The following HIVEP1 variants were observed in gnomAD, a reference collection of about 807,000 sequenced individuals.
HIVEP1 encodes zinc finger protein 40.
Under a neutral mutation model 180.0 loss-of-function variants are expected in HIVEP1, and 36 were observed. The ratio of observed to expected loss-of-function variants is 0.20; its 90% CI spans 0.15 to 0.26. The LOEUF is 0.26. Ranked by LOEUF, HIVEP1 falls within the 10% of genes least tolerant of loss-of-function variation. HIVEP1 has a pLI of 1.00. For synonymous variants in HIVEP1, 1,239 were observed against 1,239.0 expected (o/e 1.00, Z 0.00); for missense variants, 3,143 against 3,268.7 (o/e 0.96, Z 0.94).
chr6:12,161,792 G>C lies in HIVEP1; in HGVS notation c.6841G>C (p.Ala2281Pro). ...TLSPGKARQR[A>P]ARDENDTIPS... ...CTCTCCGGGGAAGGCCAGGCAGCGT[G>C]CTGCGAGAGATGAAAACGACACAAT... Residue 2281 changes from alanine (A) to proline (P), a missense_variant, in exon 8 of 9, where the codon GCT (alanine) becomes CCT (proline). This residue lies in a region of HIVEP1 where 595 missense variants were observed against 602.2 expected (regional missense o/e 0.99). Transcript: ENST00000379388. 2 of 1,614,204 alleles carry C rather than the reference G, an allele frequency of 1.2e-6. No homozygotes were observed. The highest frequency in any genetic ancestry group is 1.7e-6 in the Non-Finnish European group (2 of 1,180,026).
the HIVEP1 span, among the ~76,000 whole-genome samples, chr6:12,205,393 C>T: frequency 6.6e-6 from 1 of 152,032 alleles, no homozygotes; most frequent in Non-Finnish European, 1.5e-5. Flanking sequence ...ACGGCGTGAA[C>T]CCGGGAGGCA....
At chr6:12,094,761 C>A (rs545224304) in intron 3 of HIVEP1, among the ~76,000 whole-genome samples, 4 of 152,026 alleles carry the variant, frequency 2.6e-5, no homozygotes, top group African/African-American at 9.6e-5. Context: ...TTATAATTTT[C>A]TGTGCCTGAT....
In HIVEP1 at chr6:12,056,198, G is replaced by A. The variant is rs188784345; in HGVS notation, c.41-32986G>A. Among the ~76,000 whole-genome samples the A allele has an allele frequency of 3.9e-5, 6 of 152,284 alleles. No individual in the cohort carries two copies. The East Asian group carries it at 1.2e-3, about 29-fold the overall frequency. ...GTTTAAATGTCTTTGGGATTTATTT[G>A]GAGGTGAAATAGGATCAATAAATTA... On this transcript the variant is annotated intron_variant, in intron 2 of 8. Coordinates refer to ENST00000379388, the MANE Select transcript of HIVEP1 (RefSeq NM_002114.4).
chr6:12,161,669 G>A lies in HIVEP1; in HGVS notation c.6718G>A (p.Gly2240Arg), dbSNP rs1167149035. ...EDVRITDCFS[G>R]VHTDPMDVLP... Reference sequence around the variant, plus strand: ...TGTCAGGATCACCGATTGCTTTTCTGGGGTACACACGGACCCAATGGACGT... The same window carrying A: ...TGTCAGGATCACCGATTGCTTTTCTAGGGTACACACGGACCCAATGGACGT... The change falls in exon 8 of 9, where the codon GGG (glycine) becomes AGG (arginine). Residue 2240 changes from glycine (G) to arginine (R), a missense_variant. Around this residue, in one of 12 missense-constraint regions of HIVEP1, gnomAD observed 595 missense variants for 602.2 expected, o/e 0.99. Transcript: ENST00000379388. The A allele has an allele frequency of 9.3e-6, 15 of 1,613,978 alleles. No homozygotes were observed. Among genetic ancestry groups the A allele is most frequent in the Non-Finnish European group, 1.3e-5 (15 of 1,180,022 alleles).
In HIVEP1 at chr6:12,123,979, C is replaced by G. The variant is rs748636301; in HGVS notation, c.4184C>G (p.Pro1395Arg). The G allele has an allele frequency of 6.2e-7, 1 of 1,614,136 alleles. No homozygotes were observed. The highest frequency in any genetic ancestry group is 1.7e-5 in the Admixed American group (1 of 60,024). ...SKSFDCGSIT[P>R]PQTTPLTELQ... ...TCATTCGATTGTGGAAGCATCACCCCACCCCAGACAACACCACTTACTGAA... is the reference window on the plus strand; with the variant it reads ...TCATTCGATTGTGGAAGCATCACCCGACCCCAGACAACACCACTTACTGAA... The change falls in exon 4 of 9, where the codon CCA (proline) becomes CGA (arginine). Residue 1395 changes from proline to arginine, a missense_variant. Physicochemically the swap from Pro to Arg is moderately radical, Grantham distance 103. Transcript: ENST00000379388.
At chr6:12,211,419 A>G in the HIVEP1 span, among the ~76,000 whole-genome samples, 1 of 146,920 alleles carries the variant, frequency 6.8e-6, no homozygotes, top group African/African-American at 2.5e-5. Flanking sequence ...AAAAAAGAAA[A>G]AGAAAAAAGA....
chr6:12,095,673 AT>A (rs1216969384), intron 3 of HIVEP1, among the ~76,000 whole-genome samples: 3 of 151,956 alleles, frequency 2.0e-5, no homozygotes, highest in South Asian at 4.1e-4. Context: ...GTACTCATAG[AT>A]TTTATGTTAG....
At chr6:12,192,263 G>A in the HIVEP1 span, among the ~76,000 whole-genome samples, 1 of 152,028 alleles carries the variant, frequency 6.6e-6, no homozygotes. Flanking sequence ...GTGTGTGTGT[G>A]TGTAATTTTT....
chr6:12,010,086 G>C (rs1044352483), upstream of HIVEP1, among the ~76,000 whole-genome samples: 1 of 152,158 alleles, frequency 6.6e-6, no homozygotes, highest in Non-Finnish European at 1.5e-5. Flanking sequence ...TTTACTTTTG[G>C]ATTCAAATAA....
rs773603376 is a variant in HIVEP1, at chr6:12,120,864, C to T, written c.1069C>T (p.Pro357Ser). ...AAACCAGCAAATGGATTCTGCTTCA[C>T]CTTTGTCAATAAGTCCGGCTAATTC... Reference protein sequence around the residue: ...PQNQQMDSASPLSISPANSTQ... With the variant: ...PQNQQMDSASSLSISPANSTQ... The change falls in exon 4 of 9, where the codon CCT becomes TCT. Residue 357 changes from proline (P) to serine (S), a missense_variant. Transcript: ENST00000379388. The T allele has an allele frequency of 3.7e-6, 6 of 1,614,054 alleles. No individual in the cohort carries two copies. In the African/African-American group the frequency reaches 4.0e-5, roughly 11 times the overall value.
intron 7 of HIVEP1, among the ~76,000 whole-genome samples, chr6:12,152,789 C>T (rs1410168487): frequency 1.4e-5 from 2 of 147,348 alleles, no homozygotes; most frequent in Admixed American, 1.4e-4. Flanking sequence ...GCATGTGGCT[C>T]ATCCAGGAGG....
At chr6:12,156,047 T>A (rs1377527438) in intron 7 of HIVEP1, among the ~76,000 whole-genome samples, 1 of 152,254 alleles carries the variant, frequency 6.6e-6, no homozygotes, top group Non-Finnish European at 1.5e-5. Flanking sequence ...CATGTATGTG[T>A]TCTTTTGAGA....
intron 2 of HIVEP1, among the ~76,000 whole-genome samples, chr6:12,074,643 T>TGTGTGTGTGTGTGTGTGTGTGC (rs573970756): frequency 2.0e-5 from 3 of 148,148 alleles, no homozygotes; most frequent in Non-Finnish European, 3.0e-5. Flanking sequence ...TGTGTGTGTG[T>TGTGTGTGTGTGTGTGTGTGTGC]GCGCGCGCGT....
intron 3 of HIVEP1, among the ~76,000 whole-genome samples, chr6:12,112,016 A>G (rs1774927730): frequency 6.6e-6 from 1 of 152,160 alleles, no homozygotes. Context: ...TAATTTTATT[A>G]TTGTCATTTT....
At chr6:12,034,605 T>C (rs764874476) in intron 2 of HIVEP1, among the ~76,000 whole-genome samples, 1 of 152,196 alleles carries the variant, frequency 6.6e-6, no homozygotes, top group Non-Finnish European at 1.5e-5. Context: ...CAGGAGAGAC[T>C]GGGAAAGGAG....
chr6:12,051,687 TG>T (rs1008110111), intron 2 of HIVEP1, among the ~76,000 whole-genome samples: 24 of 148,806 alleles, frequency 1.6e-4, no homozygotes, highest in African/African-American at 5.1e-4. Context: ...GGAAGGGAGG[TG>T]GTGGGGAGGG....
the HIVEP1 span, among the ~76,000 whole-genome samples, chr6:12,175,350 G>A: frequency 6.6e-6 from 1 of 152,166 alleles, no homozygotes; most frequent in Non-Finnish European, 1.5e-5. Context: ...TTTCTCATCT[G>A]TAAGTTAGGG....
At chr6:12,093,462 G>GTA (rs1240344293) in intron 3 of HIVEP1, among the ~76,000 whole-genome samples, 8 of 150,380 alleles carry the variant, frequency 5.3e-5, no homozygotes, top group African/African-American at 1.2e-4. Flanking sequence ...AAGGTCTTAA[G>GTA]TATATATATA....
Position 12,125,178 on chromosome 6 carries a change from A to C in HIVEP1, c.5383A>C (p.Lys1795Gln), listed in dbSNP as rs748935722. ...AGTTAATGAAGCTAGTAAACAGAAG[A>C]AGCCTATTTTAGTGAGACAGGTTTG... ...SRVNEASKQK[K>Q]PILVRQVCTT... Residue 1795 changes from lysine to glutamine, a missense_variant, in exon 4 of 9, where the codon AAG (lysine) becomes CAG (glutamine). Physicochemically the swap from Lys to Gln is moderately conservative, Grantham distance 53 (BLOSUM62 1). Coordinates refer to ENST00000379388, the MANE Select transcript of HIVEP1 (RefSeq NM_002114.4). The C allele has an allele frequency of 4.3e-6, 7 of 1,614,004 alleles. No homozygotes were observed. In the Admixed American group the frequency reaches 1.2e-4, roughly 27 times the overall value.
Sources: gnomAD v4.1 joint callset for allele counts (sites outside exome capture counted in the v4.1 genomes callset) on GRCh38, gnomAD v4.1.1 for gene constraint, gnomAD v4.1.1 regional missense constraint, MANE v1.5 for transcripts, NCBI Gene and HGNC (gene_info 2026-07-23, HGNC 2026-07-21) for gene names.